The following CACNA1C variants were observed in gnomAD, a reference collection of about 807,000 sequenced individuals.
CACNA1C encodes the protein voltage-dependent L-type calcium channel subunit alpha-1C.
Under a neutral mutation model 229.0 loss-of-function variants are expected in CACNA1C, and 30 were observed. The observed-to-expected ratio is 0.13, with a 90% confidence interval of 0.10 to 0.18. The LOEUF is 0.18. CACNA1C is among the 10% of genes least tolerant of loss of function. CACNA1C has a pLI of 1.00. For synonymous variants in CACNA1C, 1,114 were observed against 1,132.5 expected (o/e 0.98, Z 0.33); for missense variants, 1,658 against 2,845.0 (o/e 0.58, Z 9.49).
chr12:2,004,453 G>A (rs1487767083), intron 1 of CACNA1C: 1 of 1,594,810 alleles, frequency 6.3e-7, no homozygotes, highest in Non-Finnish European at 8.5e-7. Context: ...CCCAGACATA[G>A]GCACGGGGCT....
At chr12:2,323,427 G>A (rs1200401066) in intron 3 of CACNA1C, among the ~76,000 whole-genome samples, 1 of 152,210 alleles carries the variant, frequency 6.6e-6, no homozygotes, top group African/African-American at 2.4e-5. Context: ...AGTTGGGCCT[G>A]TTTGTGGAAT....
At position 2,691,440 on chromosome 12, in the gene CACNA1C, C is replaced by T; in HGVS notation, c.*241C>T. The T allele has an allele frequency of 2.5e-6, 1 of 402,530 alleles. No individual in the cohort carries two copies. The highest frequency in any genetic ancestry group is 4.3e-6 in the Non-Finnish European group (1 of 233,026). The allele number at this position is 402,530 out of a possible 1,614,324, so 24.9% of individuals were successfully genotyped here. A position where few individuals can be genotyped will look rare whatever the true frequency, so the allele number is the denominator to read the frequency against. On this transcript the variant is annotated 3_prime_UTR_variant, in exon 47 of 47. Coordinates refer to ENST00000399655, the MANE Select transcript of CACNA1C (RefSeq NM_000719.7). Reference sequence around the variant, plus strand: ...GGGTCCCGGGGCGCGAGGAAGGCGCCTGCCCTCTCCCAGCTCGCAGGCCCC... The same window carrying T: ...GGGTCCCGGGGCGCGAGGAAGGCGCTTGCCCTCTCCCAGCTCGCAGGCCCC...
At chr12:2,137,854 A>C (rs35766483) in intron 3 of CACNA1C, among the ~76,000 whole-genome samples, 10,156 of 151,436 alleles carry the variant, frequency 0.067, 849 homozygotes, top group Non-Finnish European at 0.1. Context: ...TGCTGCCAAG[A>C]GTCTGGCAGG....
chr12:2,120,744 T>G (rs557818122), intron 3 of CACNA1C, among the ~76,000 whole-genome samples: 1 of 151,646 alleles, frequency 6.6e-6, no homozygotes, highest in Admixed American at 6.6e-5. Context: ...GCAAAAGTTG[T>G]GAGTGCAGGT....
At chr12:2,322,450 G>A (rs896881165) in intron 3 of CACNA1C, among the ~76,000 whole-genome samples, 1 of 152,194 alleles carries the variant, frequency 6.6e-6, no homozygotes, top group Non-Finnish European at 1.5e-5. Flanking sequence ...TGGTCATGAT[G>A]CCCGGGCATG....
intron 3 of CACNA1C, among the ~76,000 whole-genome samples, chr12:2,228,126 G>C (rs908245677): frequency 7.9e-5 from 12 of 152,150 alleles, no homozygotes; most frequent in African/African-American, 2.7e-4. Context: ...TTGCATTCTT[G>C]TGTCAGAGTT....
intron 1 of CACNA1C, 108 bp from the exon 2 acceptor site, chr12:2,115,116 G>C: frequency 1.1e-6 from 1 of 871,748 alleles, no homozygotes; most frequent in Non-Finnish European, 1.7e-6. Flanking sequence ...GCCTGCAATA[G>C]CTTGAAATAA....
Position 2,483,104 on chromosome 12 carries a change from T to C in CACNA1C, c.758-3000T>C, listed in dbSNP as rs1248271158. On this transcript the variant is annotated intron_variant, in intron 5 of 46. Coordinates refer to ENST00000399655, the MANE Select transcript of CACNA1C (RefSeq NM_000719.7). ...GAGACACAAAGATAAGAAGATGTGA[T>C]GAGACTCAAGGAGCTCTCAGCGAGG... Among the ~76,000 whole-genome samples, 67 of 152,240 alleles carry C rather than the reference T, an allele frequency of 4.4e-4. 3 individuals carry two copies. The highest frequency in any genetic ancestry group is 4.4e-3 in the Admixed American group (67 of 15,284).
At chr12:2,683,044 A>G (rs760137476) in intron 43 of CACNA1C, among the ~76,000 whole-genome samples, 2 of 152,090 alleles carry the variant, frequency 1.3e-5, no homozygotes, top group Non-Finnish European at 2.9e-5. Flanking sequence ...ACATACATAT[A>G]TAGATAATTA....
At chr12:1,988,047 G>C in intron 1 of CACNA1C, among the ~76,000 whole-genome samples, 1 of 152,214 alleles carries the variant, frequency 6.6e-6, no homozygotes, top group East Asian at 1.9e-4. Context: ...AGTTGCACAG[G>C]GGTCATTACG....
chr12:2,069,250 C>G (rs978849527), intron 1 of CACNA1C, among the ~76,000 whole-genome samples: 2 of 152,124 alleles, frequency 1.3e-5, no homozygotes, highest in African/African-American at 4.8e-5. Flanking sequence ...TTTCCTGGGT[C>G]TGTCTGAAAG....
chr12:2,105,955 G>A (rs1447894728), intron 1 of CACNA1C, among the ~76,000 whole-genome samples: 1 of 45,412 alleles, frequency 2.2e-5, no homozygotes, highest in Non-Finnish European at 5.1e-5. Flanking sequence ...CGCCCACCCC[G>A]GGGAGGGTTT....
intron 3 of CACNA1C, among the ~76,000 whole-genome samples, chr12:2,434,415 C>G (rs543548879): frequency 6.6e-6 from 1 of 152,318 alleles, no homozygotes; most frequent in South Asian, 2.1e-4. Context: ...GTCTCTGCAA[C>G]AAGATATTCT....
At chr12:2,290,387 C>T (rs1408649445) in intron 3 of CACNA1C, among the ~76,000 whole-genome samples, 2 of 152,160 alleles carry the variant, frequency 1.3e-5, no homozygotes, top group Non-Finnish European at 2.9e-5. Flanking sequence ...GGTGTTGACT[C>T]CCTCTGGGCA....
At chr12:2,353,778 G>A (rs2097274628) in intron 3 of CACNA1C, among the ~76,000 whole-genome samples, 4 of 152,198 alleles carry the variant, frequency 2.6e-5, no homozygotes, top group Non-Finnish European at 5.9e-5. Context: ...GGCTGAGATG[G>A]CCAGAGCCTG....
At chr12:2,322,743 C>T (rs1850537026) in intron 3 of CACNA1C, among the ~76,000 whole-genome samples, 1 of 152,232 alleles carries the variant, frequency 6.6e-6, no homozygotes, top group African/African-American at 2.4e-5. Context: ...GCATTGCCAC[C>T]TGCCAGCTTG....
At chr12:2,068,991 C>G (rs994574407) in intron 1 of CACNA1C, among the ~76,000 whole-genome samples, 1 of 152,216 alleles carries the variant, frequency 6.6e-6, no homozygotes, top group African/African-American at 2.4e-5. Context: ...TGCTGCCATA[C>G]TCAGACAACT....
At chr12:2,180,627 G>A (rs1047957128) in intron 3 of CACNA1C, among the ~76,000 whole-genome samples, 3 of 152,212 alleles carry the variant, frequency 2.0e-5, no homozygotes, top group African/African-American at 4.8e-5. Context: ...TGTCCAGTGC[G>A]CTGCGTTCTA....
chr12:2,497,968 T>TTC (rs1161077454), intron 7 of CACNA1C, among the ~76,000 whole-genome samples: 1 of 95,570 alleles, frequency 1.0e-5, no homozygotes, highest in African/African-American at 5.3e-5. Context: ...TTCTATTAAA[T>TTC]TCACACACAC....
Sources: allele counts gnomAD v4.1 joint callset (sites outside exome capture counted in the v4.1 genomes callset), GRCh38; gene constraint gnomAD v4.1.1; transcripts MANE v1.5; gene names NCBI Gene and HGNC (gene_info 2026-07-23, HGNC 2026-07-21).